Variants in DEDD2 observed in about 807,000 individuals in gnomAD.
The protein encoded by DEDD2 is DNA-binding death effector domain-containing protein 2.
A neutral mutation model predicts 28.9 loss-of-function variants in DEDD2; 18 were observed. The ratio of observed to expected loss-of-function variants is 0.62; its 90% CI spans 0.43 to 0.92. The LOEUF is 0.92. Among genes scored for constraint, DEDD2 ranks in the 40% least tolerant of loss-of-function variants. DEDD2 has a pLI of 0.00. For synonymous variants in DEDD2, 211 were observed against 206.1 expected, an observed-to-expected ratio of 1.02 and a Z score of -0.20; for missense variants, 411 against 463.3, an observed-to-expected ratio of 0.89 and a Z score of 1.04.
chr19:42,212,256 C>T (rs1413833349), intron 3 of DEDD2, among the ~76,000 whole-genome samples: 1 of 151,790 alleles, frequency 6.6e-6, no homozygotes, highest in East Asian at 1.9e-4. Flanking sequence ...GTCCCCGCTA[C>T]TCAGGAGGCT....
In DEDD2 at chr19:42,216,995, C is replaced by T. The variant is rs2036002720; in HGVS notation, c.13G>A (p.Gly5Arg). 3 of 1,588,586 alleles carry T rather than the reference C, an allele frequency of 1.9e-6. No individual in the cohort carries two copies. The highest frequency in any genetic ancestry group is 2.6e-6 in the Non-Finnish European group (3 of 1,168,138). Residue 5 changes from glycine (G) to arginine (R), a missense_variant, in exon 2 of 5, where the codon GGG (glycine) becomes AGG (arginine). Physicochemically the swap from Gly to Arg is moderately radical, Grantham distance 125 (BLOSUM62 -2). Around this residue, in one of 2 missense-constraint regions of DEDD2, gnomAD observed 282 missense variants for 273.4 expected, o/e 1.03. Transcript: ENST00000596251. ...TCCCAGCACGGGGCCGGGGTCGACCCGGATAGCGCCATTCCCGGGGGAGGG... is the reference window on the plus strand; with the variant it reads ...TCCCAGCACGGGGCCGGGGTCGACCTGGATAGCGCCATTCCCGGGGGAGGG... MALS[G>R]STPAPCWEED...
chr19:42,205,440 A>G (rs2035494142), intron 4 of DEDD2, among the ~76,000 whole-genome samples: 1 of 151,348 alleles, frequency 6.6e-6, no homozygotes, highest in African/African-American at 2.4e-5. Flanking sequence ...GACCAGCCTG[A>G]CCAACATGGA....
chr19:42,213,962 C>A (rs1370143921), intron 3 of DEDD2, among the ~76,000 whole-genome samples: 1 of 152,144 alleles, frequency 6.6e-6, no homozygotes, highest in Non-Finnish European at 1.5e-5. Context: ...AGGAGAATAT[C>A]CTTATTCTCC....
chr19:42,202,168 AAAG>A (rs753511208), intron 4 of DEDD2: 42 of 398,344 alleles, frequency 1.1e-4, no homozygotes, highest in Non-Finnish European at 1.7e-4. Context: ...GCCCTACGAC[AAAG>A]AAGGCTCCCA....
chr19:42,218,859 C>T (rs780809417), upstream of DEDD2, among the ~76,000 whole-genome samples: 1 of 151,992 alleles, frequency 6.6e-6, no homozygotes, highest in South Asian at 2.1e-4. Context: ...ATGATGAAAC[C>T]CTGTCTGTTC....
intron 4 of DEDD2, among the ~76,000 whole-genome samples, chr19:42,206,970 C>T (rs923835620): frequency 2.6e-5 from 4 of 152,192 alleles, no homozygotes; most frequent in Admixed American, 6.5e-5. Flanking sequence ...ACCCATCTCC[C>T]ATCAAGACCT....
intron 4 of DEDD2, among the ~76,000 whole-genome samples, chr19:42,209,105 G>A (rs529110315): frequency 1.3e-5 from 2 of 152,326 alleles, no homozygotes; most frequent in African/African-American, 4.8e-5. Flanking sequence ...GCTGGGCGTG[G>A]CAGTGGGTGC....
chr19:42,201,723 C>T, intron 4 of DEDD2: 1 of 343,154 alleles, frequency 2.9e-6, no homozygotes. Context: ...CTCTTTCTGG[C>T]TCTAGGGGAA....
In DEDD2 at chr19:42,207,165, G is replaced by A. The variant is rs188143074; in HGVS notation, c.589+2535C>T. Among the ~76,000 whole-genome samples, 509 of 152,236 alleles carry A rather than the reference G, an allele frequency of 3.3e-3. 5 individuals carry two copies. The highest frequency in any genetic ancestry group is 0.012 in the African/African-American group (494 of 41,530). On this transcript the variant is annotated intron_variant, in intron 4 of 4. Coordinates refer to ENST00000596251, the MANE Select transcript of DEDD2 (RefSeq NM_133328.4). Reference sequence around the variant, plus strand: ...CAACCACCCCCTCAAACCCTGCCGCGCAAGCCCACATAGCTGCCTGAGGAC... The same window carrying A: ...CAACCACCCCCTCAAACCCTGCCGCACAAGCCCACATAGCTGCCTGAGGAC...
intron 3 of DEDD2, chr19:42,211,919 C>T (rs939259752): frequency 6.6e-6 from 1 of 152,008 alleles, no homozygotes; most frequent in Non-Finnish European, 1.5e-5. Flanking sequence ...TGCCTGTAAT[C>T]CCAGCTACTC....
chr19:42,213,216 T>C (rs1206018599), intron 3 of DEDD2, among the ~76,000 whole-genome samples: 4 of 152,004 alleles, frequency 2.6e-5, no homozygotes, highest in Non-Finnish European at 4.4e-5. Flanking sequence ...AGTGTATGGG[T>C]CTATAGTGAC....
chr19:42,202,533 G>A (rs77132600), intron 4 of DEDD2, among the ~76,000 whole-genome samples: 134 of 152,208 alleles, frequency 8.8e-4, no homozygotes, highest in African/African-American at 3.1e-3. Flanking sequence ...GAGTGGACAG[G>A]TCACAGGGAC....
rs780177563 is a variant in DEDD2 at position 42,215,101 on chromosome 19, T to C, written c.448+32A>G. ...GCACAATTCATAAGGAAAAGAGGGA[T>C]GCTGCCATTACACCCACCCAGCTGG... On this transcript the variant is annotated intron_variant, in intron 3 of 4. Coordinates refer to ENST00000596251, the MANE Select transcript of DEDD2 (RefSeq NM_133328.4). The C allele has an allele frequency of 5.6e-6, 9 of 1,612,024 alleles. No homozygotes were observed. In the Admixed American group the frequency reaches 1.5e-4, roughly 27 times the overall value.
intron 3 of DEDD2, 148 bp downstream of exon 3, chr19:42,214,985 G>A: frequency 8.2e-7 from 1 of 1,219,328 alleles, no homozygotes; most frequent in Non-Finnish European, 1.1e-6. Context: ...TCAGAACAGA[G>A]TATCTGTAGC....
At chr19:42,210,992 C>T (rs2035736974) in intron 3 of DEDD2, among the ~76,000 whole-genome samples, 1 of 151,116 alleles carries the variant, frequency 6.6e-6, no homozygotes, top group Admixed American at 6.6e-5. Context: ...ATTGCTTGAA[C>T]CCAGGAGCTG....
chr19:42,204,689 C>T (rs2035459365), intron 4 of DEDD2: 1 of 152,404 alleles, frequency 6.6e-6, no homozygotes, highest in South Asian at 2.1e-4. Context: ...GCTCCCACAA[C>T]ACTGGGAGAT....
upstream of DEDD2, among the ~76,000 whole-genome samples, chr19:42,219,614 A>C (rs988421449): frequency 3.3e-5 from 5 of 152,196 alleles, no homozygotes; most frequent in East Asian, 3.8e-4. Context: ...ACAAACAAAC[A>C]AACCCTCCAA....
chr19:42,199,668 T>C lies in DEDD2; in HGVS notation c.751A>G (p.Ile251Val). Reference protein sequence around the residue: ...SRDLGSVVCDIKFSELSYLDA... With the variant: ...SRDLGSVVCDVKFSELSYLDA... ...AGATAGGAGAGCTCTGAGAACTTGA[T>C]GTCACAAACCACAGAGCCCAGGTCC... is the stretch of plus-strand genomic sequence containing the variant. Residue 251 changes from isoleucine to valine, a missense_variant, in exon 5 of 5, where the codon ATC becomes GTC. Around this residue, in one of 2 missense-constraint regions of DEDD2, gnomAD observed 129 missense variants for 189.9 expected, o/e 0.68. Coordinates refer to ENST00000596251, the MANE Select transcript of DEDD2 (RefSeq NM_133328.4). The surrounding 1 kb of genome is among the most constrained non-coding windows in gnomAD (Gnocchi z 7.4). 1 of 1,614,130 alleles carries C rather than the reference T, an allele frequency of 6.2e-7. No homozygotes were observed. The highest frequency in any genetic ancestry group is 8.5e-7 in the Non-Finnish European group (1 of 1,179,978).
chr19:42,200,310 T>C (rs1350708498), intron 4 of DEDD2, among the ~76,000 whole-genome samples: 2 of 152,238 alleles, frequency 1.3e-5, no homozygotes, highest in African/African-American at 4.8e-5. Context: ...GAGAGACAGA[T>C]GACAGCAAGG....
Sources: allele counts gnomAD v4.1 joint callset (sites outside exome capture counted in the v4.1 genomes callset), GRCh38; gene constraint gnomAD v4.1.1; regional missense constraint gnomAD v4.1.1; non-coding constraint Gnocchi (gnomAD v3.1); transcripts MANE v1.5; gene names NCBI Gene and HGNC (gene_info 2026-07-23, HGNC 2026-07-21).